Variants in DOCK4 observed in about 807,000 individuals in gnomAD.
The protein encoded by DOCK4 is dedicator of cytokinesis 4.
DOCK4 carries 97 observed loss-of-function variants against 268.1 expected under a neutral mutation model. The ratio of observed to expected loss-of-function variants is 0.36; its 90% confidence interval spans 0.31 to 0.43. DOCK4 has a LOEUF of 0.43. Among genes scored for constraint, DOCK4 ranks in the 20% least tolerant of loss-of-function variants. The pLI, the probability that DOCK4 is intolerant of heterozygous loss-of-function variation, is 1.00. For synonymous variants in DOCK4, 954 were observed against 887.2 expected (o/e 1.08, Z -1.34); for missense variants, 2,145 against 2,455.7 (o/e 0.87, Z 2.67).
At chr7:111,819,701 A>G (rs73436209) in intron 27 of DOCK4, 2 of 152,348 alleles carry the variant, frequency 1.3e-5, no homozygotes, top group African/African-American at 2.4e-5. Flanking sequence ...AACACATAAA[A>G]GAACATTCAT....
At chr7:112,185,400 A>G (rs1343859950) in intron 1 of DOCK4, among the ~76,000 whole-genome samples, 1 of 152,226 alleles carries the variant, frequency 6.6e-6, no homozygotes, top group Non-Finnish European at 1.5e-5. Flanking sequence ...CTGTCTCATC[A>G]TGAATACAGG....
chr7:112,066,512 C>CTCTA (rs1554433077), intron 1 of DOCK4, among the ~76,000 whole-genome samples: 8 of 144,512 alleles, frequency 5.5e-5, no homozygotes, highest in African/African-American at 2.1e-4. Flanking sequence ...CTCTCTCTCT[C>CTCTA]TATATATATA....
rs371450540 is a variant in DOCK4, at chr7:111,829,209, T to C, written c.2835+5379A>G. Among the ~76,000 whole-genome samples, 7 of 152,228 alleles carry C rather than the reference T, an allele frequency of 4.6e-5. No homozygotes were observed. The East Asian group carries it at 9.6e-4, about 21-fold the overall frequency. On this transcript the variant is annotated intron_variant, in intron 26 of 52. Coordinates refer to ENST00000428084, the MANE Select transcript of DOCK4 (RefSeq NM_001363540.2). ...GCCTTTCTCAGATATCTCCATTCTA[T>C]GACTAGAACTGCTTTATTAACTTCA... is the stretch of plus-strand genomic sequence containing the variant.
chr7:112,101,089 G>C (rs1246879502), intron 1 of DOCK4, among the ~76,000 whole-genome samples: 2 of 152,144 alleles, frequency 1.3e-5, no homozygotes, highest in Non-Finnish European at 2.9e-5. Context: ...GGGACACATA[G>C]AGTGAGATTT....
chr7:111,859,225 A>T (rs938800621), intron 23 of DOCK4, among the ~76,000 whole-genome samples: 2 of 152,148 alleles, frequency 1.3e-5, no homozygotes, highest in Admixed American at 6.5e-5. Context: ...TAATACCTTA[A>T]TTTCAGCCCA....
At chr7:111,795,289 T>G (rs1287327782) in intron 30 of DOCK4, among the ~76,000 whole-genome samples, 1 of 149,664 alleles carries the variant, frequency 6.7e-6, no homozygotes, top group Non-Finnish European at 1.5e-5. Context: ...ACATAAGGAC[T>G]TCTCTAAACA....
intron 1 of DOCK4, among the ~76,000 whole-genome samples, chr7:112,122,155 G>T (rs1812789028): frequency 1.3e-5 from 2 of 151,900 alleles, no homozygotes; most frequent in African/African-American, 2.4e-5. Flanking sequence ...GGGTCATTAT[G>T]GTTAGTATTT....
At position 111,746,385 on chromosome 7, in the gene DOCK4, G is replaced by A. The variant is rs1263799301; in HGVS notation, c.4626C>T (p.His1542=). The stretch of plus-strand genomic sequence containing the variant: ...GTGCAATTTTCTCCCCATCTTCAGG[G>A]TGACTTAAGATATATTCTTTGACAA... ...AFFVKEYILS[H]PEDGEKIARL... Residue 1542 remains histidine (H), a synonymous_variant, in exon 44 of 53, where the codon CAC becomes CAT. Transcript: ENST00000428084. 3.1e-6 allele frequency: 5 copies of A among 1,612,414 alleles called. No homozygotes were observed. In the African/African-American group the frequency reaches 4.0e-5, roughly 13 times the overall value.
intron 1 of DOCK4, among the ~76,000 whole-genome samples, chr7:112,074,622 G>A (rs868650765): frequency 5.9e-5 from 9 of 152,168 alleles, no homozygotes; most frequent in Non-Finnish European, 1.2e-4. Flanking sequence ...TTTGCCTCTT[G>A]TCTGTCTGTG....
intron 25 of DOCK4, among the ~76,000 whole-genome samples, chr7:111,835,217 A>T (rs1021050794): frequency 6.6e-6 from 1 of 152,142 alleles, no homozygotes; most frequent in Non-Finnish European, 1.5e-5. Flanking sequence ...CTGTAGCTTC[A>T]TGCTCCATTT....
At chr7:112,142,229 G>A (rs1815000938) in intron 1 of DOCK4, among the ~76,000 whole-genome samples, 2 of 152,148 alleles carry the variant, frequency 1.3e-5, no homozygotes, top group African/African-American at 4.8e-5. Context: ...AGAAAGTGGG[G>A]CTGGTGGGAT....
intron 8 of DOCK4, among the ~76,000 whole-genome samples, chr7:111,976,219 T>TGC (rs1798173728): frequency 9.6e-6 from 1 of 104,112 alleles, no homozygotes; most frequent in African/African-American, 3.8e-5. Context: ...TGTGTGTGTG[T>TGC]GTGCGTGTGT....
At chr7:111,919,815 C>T (rs2134569484) in intron 12 of DOCK4, among the ~76,000 whole-genome samples, 1 of 152,182 alleles carries the variant, frequency 6.6e-6, no homozygotes, top group Middle Eastern at 3.4e-3. Flanking sequence ...AGAGTGGGTG[C>T]ACAAAGAAAA....
chr7:111,962,460 T>G (rs1410758249), intron 8 of DOCK4, among the ~76,000 whole-genome samples: 15 of 152,308 alleles, frequency 9.8e-5, no homozygotes, highest in Admixed American at 9.2e-4. Context: ...ATGAATTAAC[T>G]TCCCAAAACT....
intron 1 of DOCK4, among the ~76,000 whole-genome samples, chr7:112,070,601 G>A (rs1162406616): frequency 6.6e-6 from 1 of 152,060 alleles, no homozygotes; most frequent in East Asian, 1.9e-4. Flanking sequence ...CAGGAAAAAG[G>A]CCTGCCCAGA....
At chr7:112,174,888 T>C (rs1258898209) in intron 1 of DOCK4, among the ~76,000 whole-genome samples, 1 of 152,096 alleles carries the variant, frequency 6.6e-6, no homozygotes, top group Non-Finnish European at 1.5e-5. Context: ...TGTTTTGTTT[T>C]GTTTTTGCAT....
chr7:111,743,563 G>A (rs1449487880), intron 44 of DOCK4, among the ~76,000 whole-genome samples: 1 of 152,144 alleles, frequency 6.6e-6, no homozygotes, highest in Non-Finnish European at 1.5e-5. Context: ...AAACGCAGAG[G>A]CCCCCAGTCT....
chr7:111,790,685 A>G (rs529906188), intron 30 of DOCK4, 80 bp from the exon 31 acceptor site: 1 of 1,399,578 alleles, frequency 7.1e-7, no homozygotes, highest in East Asian at 2.5e-5. Context: ...AAATTTGTTT[A>G]AAACTATTGC....
intron 23 of DOCK4, among the ~76,000 whole-genome samples, chr7:111,851,067 A>C (rs894362698): frequency 1.3e-5 from 2 of 152,228 alleles, no homozygotes; most frequent in Non-Finnish European, 2.9e-5. Flanking sequence ...CAAAAACAAA[A>C]ACCCTCTATC....
Sources: allele counts gnomAD v4.1 joint callset (sites outside exome capture counted in the v4.1 genomes callset), GRCh38; gene constraint gnomAD v4.1.1; transcripts MANE v1.5; gene names NCBI Gene and HGNC (gene_info 2026-07-23, HGNC 2026-07-21).